The following SLCO5A1 variants were observed in gnomAD, a reference collection of about 807,000 sequenced individuals.
SLCO5A1 encodes the protein organic anion transporter polypeptide-related protein 4.
SLCO5A1 carries 39 observed loss-of-function variants against 65.1 expected under a neutral mutation model. That is an observed-to-expected ratio of 0.60 (90% CI 0.46 to 0.78). The LOEUF is 0.78. Ranked by LOEUF, SLCO5A1 falls within the 30% of genes least tolerant of loss-of-function variation. The pLI is 0.00. For synonymous variants in SLCO5A1, 438 were observed against 415.7 expected (o/e 1.05, Z -0.65); for missense variants, 1,029 against 1,069.4 (o/e 0.96, Z 0.53).
intron 6 of SLCO5A1, chr8:69,704,798 T>C (rs771958569): frequency 1.7e-4 from 89 of 522,766 alleles, no homozygotes; most frequent in Non-Finnish European, 2.7e-4. Context: ...TCTGATGTAA[T>C]TAAAATGCTA....
intron 5 of SLCO5A1, among the ~76,000 whole-genome samples, chr8:69,710,250 C>T (rs1815178742): frequency 6.6e-6 from 1 of 152,080 alleles, no homozygotes; most frequent in Non-Finnish European, 1.5e-5. Context: ...AACTCCTGAC[C>T]TCAGGTGATC....
At chr8:69,677,880 C>T (rs1813613314) in intron 8 of SLCO5A1, among the ~76,000 whole-genome samples, 1 of 152,280 alleles carries the variant, frequency 6.6e-6, no homozygotes, top group East Asian at 1.9e-4. Context: ...GACTCCCTTT[C>T]TTCATTCCTT....
intron 2 of SLCO5A1, among the ~76,000 whole-genome samples, chr8:69,772,533 G>A (rs1471873021): frequency 2.3e-5 from 3 of 128,056 alleles, no homozygotes; most frequent in Non-Finnish European, 4.9e-5. Flanking sequence ...AAAAAGAAAA[G>A]AAAAAAAAGG....
chr8:69,768,567 T>C (rs956710512), intron 2 of SLCO5A1, among the ~76,000 whole-genome samples: 6 of 152,220 alleles, frequency 3.9e-5, no homozygotes, highest in Non-Finnish European at 5.9e-5. Context: ...CCATCGGCAC[T>C]GGCTTCTGAG....
At chr8:69,775,105 A>G (rs1277236450) in intron 2 of SLCO5A1, among the ~76,000 whole-genome samples, 1 of 152,202 alleles carries the variant, frequency 6.6e-6, no homozygotes, top group South Asian at 2.1e-4. Context: ...GGAATAGTCT[A>G]TCACTTTGCT....
In SLCO5A1 at chr8:69,705,143, C is replaced by T; in HGVS notation, c.1510G>A (p.Ala504Thr). 1 of 1,614,182 alleles carries T rather than the reference C, an allele frequency of 6.2e-7. No individual in the cohort carries two copies. The highest frequency in any genetic ancestry group is 1.6e-4 in the Middle Eastern group (1 of 6,062). Residue 504 changes from alanine to threonine, a missense_variant, in exon 6 of 10, where the codon GCA (alanine) becomes ACA (threonine). Ala to Thr is a moderately conservative substitution (Grantham distance 58, BLOSUM62 0). Around this residue, in one of 3 missense-constraint regions of SLCO5A1, gnomAD observed 647 missense variants for 647.5 expected, o/e 1.00. Coordinates refer to ENST00000260126, the MANE Select transcript of SLCO5A1 (RefSeq NM_030958.3). ...CCACTGCAGATCATTGCTAGTTTTGCAGATTCTCTGGCACCAAGTTTCAAT... is the reference window on the plus strand; with the variant it reads ...CCACTGCAGATCATTGCTAGTTTTGTAGATTCTCTGGCACCAAGTTTCAAT... ...KKLKLGARES[A>T]KLAMICSGVS... is the part of the protein sequence containing the mutation.
chr8:69,695,986 T>G (rs1814480617), intron 6 of SLCO5A1, among the ~76,000 whole-genome samples: 1 of 152,124 alleles, frequency 6.6e-6, no homozygotes. Context: ...GAAAGCTGAC[T>G]GGGATGAAGT....
chr8:69,776,189 A>G (rs1818543450), intron 2 of SLCO5A1, among the ~76,000 whole-genome samples: 2 of 152,294 alleles, frequency 1.3e-5, no homozygotes, highest in South Asian at 4.1e-4. Context: ...TCCCATATAT[A>G]TATCATGGTA....
intron 2 of SLCO5A1, among the ~76,000 whole-genome samples, chr8:69,819,258 G>A (rs1034324113): frequency 6.6e-6 from 1 of 151,706 alleles, no homozygotes; most frequent in Non-Finnish European, 1.5e-5. Flanking sequence ...TTTGCCTCTT[G>A]GGAGTAAGTA....
At chr8:69,810,026 C>T (rs1185229428) in intron 2 of SLCO5A1, among the ~76,000 whole-genome samples, 1 of 152,172 alleles carries the variant, frequency 6.6e-6, no homozygotes, top group Non-Finnish European at 1.5e-5. Context: ...AGATAACCCC[C>T]ACTGAGAATT....
rs191472261 is a variant in SLCO5A1, at chr8:69,778,560, T to C, written c.908-16685A>G. On this transcript the variant is annotated intron_variant, in intron 2 of 9. Coordinates refer to ENST00000260126, the MANE Select transcript of SLCO5A1 (RefSeq NM_030958.3). ...ACAATGTGGGATTTTGGTGTTTTCC[T>C]TATAACTTTTCATATTTTCAGTTTT... Among the ~76,000 whole-genome samples, 43 of 152,316 alleles carry C rather than the reference T, an allele frequency of 2.8e-4. No homozygotes were observed. In the East Asian group the frequency reaches 8.3e-3, roughly 29 times the overall value.
At chr8:69,785,939 G>C (rs143285509) in intron 2 of SLCO5A1, among the ~76,000 whole-genome samples, 64 of 152,314 alleles carry the variant, frequency 4.2e-4, no homozygotes, top group Middle Eastern at 3.4e-3. Context: ...ATAATATTCA[G>C]AGCAAAGTTA....
At chr8:69,756,108 AT>A (rs1817532073) in intron 3 of SLCO5A1, among the ~76,000 whole-genome samples, 1 of 152,144 alleles carries the variant, frequency 6.6e-6, no homozygotes, top group African/African-American at 2.4e-5. Flanking sequence ...ATATTCAAAT[AT>A]TTTTCTGCAA....
chr8:69,717,937 T>C (rs999534537), intron 5 of SLCO5A1, among the ~76,000 whole-genome samples: 1 of 152,150 alleles, frequency 6.6e-6, no homozygotes, highest in East Asian at 1.9e-4. Flanking sequence ...CAAAATCTAC[T>C]CTTAATTTTC....
intron 9 of SLCO5A1, 150 bp from the exon 10 acceptor site, chr8:69,673,476 T>C (rs759220884): frequency 4.7e-6 from 3 of 643,136 alleles, no homozygotes; most frequent in Non-Finnish European, 5.3e-6. Flanking sequence ...AGACGCATCA[T>C]ATTTTATCAC....
At chr8:69,767,225 C>G (rs1488149890) in intron 2 of SLCO5A1, among the ~76,000 whole-genome samples, 1 of 152,194 alleles carries the variant, frequency 6.6e-6, no homozygotes, top group Non-Finnish European at 1.5e-5. Context: ...GGAGTGCCCA[C>G]TCCCCTCTGA....
At chr8:69,721,809 G>A (rs1815830154) in intron 5 of SLCO5A1, among the ~76,000 whole-genome samples, 1 of 151,978 alleles carries the variant, frequency 6.6e-6, no homozygotes, top group Non-Finnish European at 1.5e-5. Flanking sequence ...CTTTCAAAGG[G>A]TTTACCCCCT....
intron 5 of SLCO5A1, among the ~76,000 whole-genome samples, chr8:69,735,968 A>G (rs999335649): frequency 2.6e-5 from 4 of 152,222 alleles, no homozygotes; most frequent in Non-Finnish European, 5.9e-5. Flanking sequence ...CTGCCTATCT[A>G]TAAAGGAAGA....
chr8:69,823,222 A>G (rs1468165550), intron 2 of SLCO5A1, among the ~76,000 whole-genome samples: 1 of 152,218 alleles, frequency 6.6e-6, no homozygotes, highest in African/African-American at 2.4e-5. Flanking sequence ...ACTAACAAGC[A>G]AAATAATCAG....
Sources: gnomAD v4.1 joint callset for allele counts (sites outside exome capture counted in the v4.1 genomes callset) on GRCh38, gnomAD v4.1.1 for gene constraint, gnomAD v4.1.1 regional missense constraint, MANE v1.5 for transcripts, NCBI Gene and HGNC (gene_info 2026-07-23, HGNC 2026-07-21) for gene names.